Variants in DNAJC1 observed in about 807,000 individuals in gnomAD.
DNAJC1 encodes the protein DnaJ heat shock protein family (Hsp40) member C1.
In DNAJC1, 58 loss-of-function variants were observed where a neutral mutation model predicts 76.6. The observed-to-expected ratio is 0.76, with a 90% CI of 0.61 to 0.94. The LOEUF (loss-of-function observed/expected upper bound fraction) is 0.94. Among genes scored for constraint, DNAJC1 ranks in the 40% least tolerant of loss-of-function variants. The probability of loss-of-function intolerance (pLI) is 0.00; values close to 1 mark genes in which losing one functional copy is unlikely to be tolerated. For synonymous variants in DNAJC1, 258 were observed against 267.9 expected (o/e 0.96, Z 0.36); for missense variants, 689 against 677.3 (o/e 1.02, Z -0.19).
At chr10:21,838,258 C>T (rs914322368) in intron 8 of DNAJC1, among the ~76,000 whole-genome samples, 3 of 152,196 alleles carry the variant, frequency 2.0e-5, no homozygotes, top group African/African-American at 7.2e-5. Context: ...ACATAGGAGA[C>T]TCCATTTTGT....
At chr10:21,764,291 T>C (rs79010127) in intron 10 of DNAJC1, among the ~76,000 whole-genome samples, 4,915 of 152,340 alleles carry the variant, frequency 0.032, 129 homozygotes, top group Middle Eastern at 0.065. Context: ...AAAAATATTA[T>C]ATGCACATAT....
chr10:21,927,377 T>G (rs1384695060), intron 3 of DNAJC1, among the ~76,000 whole-genome samples: 1 of 152,192 alleles, frequency 6.6e-6, no homozygotes, highest in African/African-American at 2.4e-5. Flanking sequence ...AGATTCAGAA[T>G]GTAACATAGC....
At chr10:21,942,529 G>A (rs559895645) in intron 1 of DNAJC1, among the ~76,000 whole-genome samples, 26 of 152,004 alleles carry the variant, frequency 1.7e-4, no homozygotes, top group African/African-American at 5.8e-4. Context: ...ATAAGCGGCC[G>A]GGCGCGGTGG....
chr10:21,793,020 A>T (rs747405805), intron 9 of DNAJC1, among the ~76,000 whole-genome samples: 2 of 152,068 alleles, frequency 1.3e-5, no homozygotes, highest in African/African-American at 4.8e-5. Flanking sequence ...AAAAGCTTCT[A>T]TGAGCCTGGG....
intron 1 of DNAJC1, among the ~76,000 whole-genome samples, chr10:21,934,536 T>C (rs917557699): frequency 1.5e-4 from 23 of 152,186 alleles, no homozygotes; most frequent in African/African-American, 5.3e-4. Context: ...GCAAGATGTA[T>C]TCATAGTAAA....
chr10:21,830,473 T>C (rs771590944), intron 8 of DNAJC1, among the ~76,000 whole-genome samples: 46 of 152,340 alleles, frequency 3.0e-4, no homozygotes, highest in Non-Finnish European at 5.9e-4. Flanking sequence ...GTAGTATAAC[T>C]GGCGTTCCTT....
chr10:21,828,383 A>G (rs1464004801), intron 8 of DNAJC1, among the ~76,000 whole-genome samples: 1 of 152,236 alleles, frequency 6.6e-6, no homozygotes, highest in African/African-American at 2.4e-5. Context: ...ATATCCAGAT[A>G]ATGTTGAATA....
chr10:21,758,318 G>A (rs1042680633), intron 11 of DNAJC1, among the ~76,000 whole-genome samples: 4 of 152,170 alleles, frequency 2.6e-5, no homozygotes, highest in Non-Finnish European at 5.9e-5. Context: ...CTGGTTCCTC[G>A]ACTAACAATC....
intron 8 of DNAJC1, among the ~76,000 whole-genome samples, chr10:21,870,594 G>A (rs1487472487): frequency 6.6e-6 from 1 of 151,876 alleles, no homozygotes; most frequent in African/African-American, 2.4e-5. Flanking sequence ...GGTAATGTAG[G>A]GAGACCCCAT....
At chr10:21,854,995 T>A (rs571329450) in intron 8 of DNAJC1, among the ~76,000 whole-genome samples, 2 of 152,192 alleles carry the variant, frequency 1.3e-5, no homozygotes, top group Non-Finnish European at 2.9e-5. Context: ...AGTAAGTGAA[T>A]GAGACATGCT....
At chr10:21,851,872 G>A (rs1835760554) in intron 8 of DNAJC1, among the ~76,000 whole-genome samples, 1 of 151,894 alleles carries the variant, frequency 6.6e-6, no homozygotes, top group Non-Finnish European at 1.5e-5. Context: ...GGCTAACACA[G>A]TGAAACCCCA....
chr10:21,760,553 G>T (rs956668025), intron 10 of DNAJC1, among the ~76,000 whole-genome samples: 1 of 152,212 alleles, frequency 6.6e-6, no homozygotes, highest in African/African-American at 2.4e-5. Context: ...GGTACATTTG[G>T]ACACGGGGCG....
intron 9 of DNAJC1, among the ~76,000 whole-genome samples, chr10:21,798,230 G>A (rs1371360355): frequency 6.6e-6 from 1 of 152,122 alleles, no homozygotes; most frequent in Non-Finnish European, 1.5e-5. Context: ...AACCACCATT[G>A]TGTTCTGAAA....
intron 8 of DNAJC1, among the ~76,000 whole-genome samples, chr10:21,836,132 CA>C (rs1835449078): frequency 6.6e-6 from 1 of 152,190 alleles, no homozygotes; most frequent in Non-Finnish European, 1.5e-5. Flanking sequence ...GATCTCTCGG[CA>C]GAAACTCTAC....
chr10:21,917,970 C>T (rs943536613), intron 6 of DNAJC1, among the ~76,000 whole-genome samples: 1 of 151,796 alleles, frequency 6.6e-6, no homozygotes, highest in African/African-American at 2.4e-5. Context: ...GTGGGTAGAA[C>T]TGAATTAGAA....
At chr10:21,985,906 A>G (rs1838238397) in intron 1 of DNAJC1, among the ~76,000 whole-genome samples, 1 of 152,048 alleles carries the variant, frequency 6.6e-6, no homozygotes, top group Non-Finnish European at 1.5e-5. Flanking sequence ...ACTGAGATGA[A>G]TGTTAAGTTT....
At chr10:21,969,395 C>A (rs1352072842) in intron 1 of DNAJC1, among the ~76,000 whole-genome samples, 1 of 152,044 alleles carries the variant, frequency 6.6e-6, no homozygotes, top group African/African-American at 2.4e-5. Context: ...ATCATAATTG[C>A]AAAGTGGCTT....
chr10:21,996,708 C>G (rs958213423), intron 1 of DNAJC1, among the ~76,000 whole-genome samples: 1 of 152,074 alleles, frequency 6.6e-6, no homozygotes, highest in African/African-American at 2.4e-5. Flanking sequence ...AAACTTAAAA[C>G]TAAAAGAAAG....
chr10:21,827,488 A>G (rs1208857691), intron 8 of DNAJC1, among the ~76,000 whole-genome samples: 1 of 152,202 alleles, frequency 6.6e-6, no homozygotes, highest in Non-Finnish European at 1.5e-5. Context: ...AGAAGTCAGA[A>G]ATCAAGGTTT....
Sources: gnomAD v4.1 joint callset for allele counts (sites outside exome capture counted in the v4.1 genomes callset) on GRCh38, gnomAD v4.1.1 for gene constraint, MANE v1.5 for transcripts, NCBI Gene and HGNC (gene_info 2026-07-23, HGNC 2026-07-21) for gene names.